The following TAFA1 variants were observed in gnomAD, a reference collection of about 807,000 sequenced individuals.
TAFA1 encodes the protein chemokine-like protein TAFA-1.
TAFA1 carries 4 observed loss-of-function variants against 18.5 expected under a neutral mutation model. The ratio of observed to expected loss-of-function variants is 0.22; its 90% confidence interval spans 0.11 to 0.49. TAFA1 has a LOEUF of 0.49. TAFA1 is among the 20% of genes least tolerant of loss of function. The pLI, the probability that TAFA1 is intolerant of heterozygous loss-of-function variation, is 0.98. For synonymous variants in TAFA1, 56 were observed against 55.2 expected, an observed-to-expected ratio of 1.01 and a Z score of -0.06; for missense variants, 147 against 169.0, an observed-to-expected ratio of 0.87 and a Z score of 0.72.
chr3:68,531,802 G>T (rs1053239579), intron 3 of TAFA1, among the ~76,000 whole-genome samples: 1 of 152,090 alleles, frequency 6.6e-6, no homozygotes, highest in East Asian at 1.9e-4. Flanking sequence ...TCAACTGATG[G>T]TTGCCAGGCA....
chr3:68,424,107 T>A (rs2071010594), intron 3 of TAFA1, among the ~76,000 whole-genome samples: 1 of 152,052 alleles, frequency 6.6e-6, no homozygotes, highest in East Asian at 1.9e-4. Context: ...GTTAATACAA[T>A]GAAAAAGTCA....
At chr3:68,361,493 G>A (rs976268896) in intron 2 of TAFA1, among the ~76,000 whole-genome samples, 6 of 151,956 alleles carry the variant, frequency 3.9e-5, no homozygotes, top group African/African-American at 1.4e-4. Context: ...GAGAGGACTT[G>A]AAGTGTTATG....
chr3:68,165,907 T>A (rs574795455), intron 2 of TAFA1, among the ~76,000 whole-genome samples: 2 of 152,338 alleles, frequency 1.3e-5, no homozygotes, highest in Admixed American at 1.3e-4. Context: ...GTGAATCAAA[T>A]TAATTAGTAC....
rs541148666 is a variant in TAFA1, at chr3:68,544,469, T to C, written c.385-17T>C. ...TGCACTGTTCTCCCTGAAATGTCTG[T>C]CTTTCTTTGGTTTCAGATTCACCCA... On this transcript the variant is annotated splice_polypyrimidine_tract_variant and intron_variant, in intron 4 of 4. Coordinates refer to ENST00000478136, the MANE Select transcript of TAFA1 (RefSeq NM_213609.4). 4.4e-5 allele frequency: 71 copies of C among 1,612,230 alleles called. No homozygotes were observed. The East Asian group carries it at 1.4e-3, about 31-fold the overall frequency.
intron 2 of TAFA1, among the ~76,000 whole-genome samples, chr3:68,135,232 A>G (rs1029093259): frequency 1.3e-5 from 2 of 152,212 alleles, no homozygotes; most frequent in African/African-American, 4.8e-5. Context: ...AACTGGGCAC[A>G]TTGCCACCTG....
intron 3 of TAFA1, among the ~76,000 whole-genome samples, chr3:68,491,966 G>C (rs577341362): frequency 6.6e-6 from 1 of 152,148 alleles, no homozygotes; most frequent in African/African-American, 2.4e-5. Flanking sequence ...ACATCAAACT[G>C]TATCGATGAC....
chr3:68,383,313 C>A (rs1235904787), intron 2 of TAFA1, among the ~76,000 whole-genome samples: 2 of 152,044 alleles, frequency 1.3e-5, no homozygotes, highest in African/African-American at 4.8e-5. Context: ...ATGATGTCAG[C>A]TGTGGGTTTG....
At chr3:68,147,001 T>C (rs1372015712) in intron 2 of TAFA1, among the ~76,000 whole-genome samples, 1 of 150,450 alleles carries the variant, frequency 6.6e-6, no homozygotes, top group Non-Finnish European at 1.5e-5. Flanking sequence ...AAAATACCTC[T>C]TGTGTGTGTA....
intron 2 of TAFA1, among the ~76,000 whole-genome samples, chr3:68,270,444 T>A (rs2067643040): frequency 6.6e-6 from 1 of 152,216 alleles, no homozygotes; most frequent in African/African-American, 2.4e-5. Context: ...TATTTGGTTT[T>A]ATGTGGACCA....
chr3:68,427,938 T>C lies in TAFA1; in HGVS notation c.259+10518T>C, dbSNP rs1330477558. ...TTGTGCCATTGCTCCTCTTTTGCCT[T>C]CTGCCAGGATTATGAGCCATCCTCA... On this transcript the variant is annotated intron_variant, in intron 3 of 4. Coordinates refer to ENST00000478136, the MANE Select transcript of TAFA1 (RefSeq NM_213609.4). Among the ~76,000 whole-genome samples, 6 of 152,076 alleles carry C rather than the reference T, an allele frequency of 3.9e-5. No individual in the cohort carries two copies. In the East Asian group the frequency reaches 9.7e-4, roughly 25 times the overall value.
chr3:68,492,368 T>C (rs150943757), intron 3 of TAFA1, among the ~76,000 whole-genome samples: 2 of 152,266 alleles, frequency 1.3e-5, no homozygotes, highest in East Asian at 3.9e-4. Flanking sequence ...GAGGCTTCGG[T>C]ATCACTGAGA....
chr3:68,364,373 A>G (rs1038360840), intron 2 of TAFA1, among the ~76,000 whole-genome samples: 2 of 152,204 alleles, frequency 1.3e-5, no homozygotes, highest in African/African-American at 4.8e-5. Flanking sequence ...AATGGCAGTT[A>G]TTATTTACAC....
At chr3:68,223,346 A>G (rs2066755637) in intron 2 of TAFA1, among the ~76,000 whole-genome samples, 1 of 152,196 alleles carries the variant, frequency 6.6e-6, no homozygotes. Flanking sequence ...ACTATGTTTC[A>G]GATTCTATGT....
intron 2 of TAFA1, among the ~76,000 whole-genome samples, chr3:68,064,436 T>G (rs2064646509): frequency 6.6e-6 from 1 of 152,240 alleles, no homozygotes; most frequent in Non-Finnish European, 1.5e-5. Context: ...TTTCTTGTAT[T>G]TATTAAAATG....
At chr3:68,051,447 A>T (rs981323450) in intron 2 of TAFA1, among the ~76,000 whole-genome samples, 4 of 152,076 alleles carry the variant, frequency 2.6e-5, no homozygotes, top group Admixed American at 2.0e-4. Flanking sequence ...CACCTAGGGG[A>T]TATTTGACAA....
intron 3 of TAFA1, among the ~76,000 whole-genome samples, chr3:68,467,753 A>G (rs1457527170): frequency 6.6e-6 from 1 of 152,178 alleles, no homozygotes; most frequent in Non-Finnish European, 1.5e-5. Context: ...ACCTGGTTTC[A>G]AGGGTGAGCA....
intron 2 of TAFA1, among the ~76,000 whole-genome samples, chr3:68,163,283 T>C (rs2065946687): frequency 1.3e-5 from 2 of 152,308 alleles, no homozygotes; most frequent in East Asian, 3.9e-4. Context: ...GTTAAGCCTG[T>C]GGTCTGGGAG....
intron 2 of TAFA1, among the ~76,000 whole-genome samples, chr3:68,151,136 T>G (rs2065802107): frequency 6.6e-6 from 1 of 152,116 alleles, no homozygotes; most frequent in Non-Finnish European, 1.5e-5. Context: ...GCTATCCTCT[T>G]GATTCCCTCT....
chr3:68,136,396 G>A (rs1296207916), intron 2 of TAFA1, among the ~76,000 whole-genome samples: 1 of 152,144 alleles, frequency 6.6e-6, no homozygotes, highest in Admixed American at 6.6e-5. Context: ...TAAAGTAAAG[G>A]TACACCCACA....
Sources: gnomAD v4.1 joint callset for allele counts (sites outside exome capture counted in the v4.1 genomes callset) on GRCh38, gnomAD v4.1.1 for gene constraint, MANE v1.5 for transcripts, NCBI Gene and HGNC (gene_info 2026-07-23, HGNC 2026-07-21) for gene names.